The following FAM110B variants were observed in gnomAD, a reference collection of about 807,000 sequenced individuals.
The protein encoded by FAM110B is protein FAM110B.
A neutral mutation model predicts 20.4 loss-of-function variants in FAM110B; 6 were observed. The ratio of observed to expected loss-of-function variants is 0.29; its 90% CI spans 0.16 to 0.58. The LOEUF is 0.58. Among genes scored for constraint, FAM110B ranks in the 20% least tolerant of loss-of-function variants. The probability of loss-of-function intolerance (pLI) is 0.90; values close to 1 mark genes in which losing one functional copy is unlikely to be tolerated. For missense variants in FAM110B, 434 were observed against 498.2 expected (o/e 0.87, Z 1.23); for synonymous variants, 226 against 214.1 (o/e 1.06, Z -0.49).
chr8:58,146,410 G>A lies in FAM110B; in HGVS notation c.180G>A (p.Lys60=). 6.2e-7 allele frequency: 1 copy of A among 1,614,060 alleles called. No individual in the cohort carries two copies. The highest frequency in any genetic ancestry group is 8.5e-7 in the Non-Finnish European group (1 of 1,179,974). The change falls in exon 4 of 4, where the codon AAG becomes AAA. Residue 60 remains lysine, a synonymous_variant. Transcript: ENST00000519262. ...AGAGGCTGGAGGCCGACAAGGCCAA[G>A]TACGTCAAGAGCCAGGAGGTGATCA... ...AVERLEADKA[K]YVKSQEVINA...
chr8:58,002,599 G>A (rs932004349), intron 1 of FAM110B, among the ~76,000 whole-genome samples: 5 of 152,148 alleles, frequency 3.3e-5, no homozygotes, highest in Admixed American at 3.3e-4. Flanking sequence ...CAAATTGTGG[G>A]TTTGATTCCA....
chr8:58,021,756 G>T (rs936786781), intron 1 of FAM110B, among the ~76,000 whole-genome samples: 4 of 152,106 alleles, frequency 2.6e-5, no homozygotes, highest in African/African-American at 7.2e-5. Context: ...GGTTAAAGGT[G>T]TATATTTTGC....
intron 3 of FAM110B, among the ~76,000 whole-genome samples, chr8:58,090,269 C>T (rs886758810): frequency 1.3e-5 from 2 of 152,228 alleles, no homozygotes; most frequent in Non-Finnish European, 2.9e-5. Flanking sequence ...AAGCAGTTCT[C>T]CTTCCCGAGC....
chr8:58,111,076 T>C (rs887899239), intron 3 of FAM110B, among the ~76,000 whole-genome samples: 1 of 152,148 alleles, frequency 6.6e-6, no homozygotes, highest in African/African-American at 2.4e-5. Flanking sequence ...AAGAAAAATA[T>C]TGGACTTCAG....
At chr8:58,108,781 T>G (rs1390078999) in intron 3 of FAM110B, among the ~76,000 whole-genome samples, 1 of 152,200 alleles carries the variant, frequency 6.6e-6, no homozygotes, top group African/African-American at 2.4e-5. Context: ...TCTCCCACTT[T>G]TCCATGTTGT....
At chr8:58,030,564 G>A (rs1804944176) in intron 1 of FAM110B, among the ~76,000 whole-genome samples, 1 of 151,890 alleles carries the variant, frequency 6.6e-6, no homozygotes. Context: ...TCTTAATGAA[G>A]TAGTTTTTTA....
intron 2 of FAM110B, among the ~76,000 whole-genome samples, chr8:58,034,367 A>G (rs986882292): frequency 3.9e-5 from 6 of 152,138 alleles, no homozygotes; most frequent in Admixed American, 6.5e-5. Flanking sequence ...CAGCTGACTT[A>G]TGGGTCGGAA....
chr8:58,068,714 A>G (rs1805828303), intron 2 of FAM110B, among the ~76,000 whole-genome samples: 2 of 152,178 alleles, frequency 1.3e-5, no homozygotes. Context: ...ACCATTTAAC[A>G]TTTACAGATT....
intron 2 of FAM110B, among the ~76,000 whole-genome samples, chr8:58,050,425 G>T (rs1346819627): frequency 6.6e-6 from 1 of 152,124 alleles, no homozygotes; most frequent in African/African-American, 2.4e-5. Flanking sequence ...CTCTGTCAGG[G>T]TCTCCAGCGC....
intron 3 of FAM110B, among the ~76,000 whole-genome samples, chr8:58,095,288 A>G (rs1585881654): frequency 6.6e-6 from 1 of 152,048 alleles, no homozygotes; most frequent in African/African-American, 2.4e-5. Flanking sequence ...TAGCTTTCAA[A>G]TTAGTTCGCT....
chr8:58,088,603 A>G (rs923012796), intron 3 of FAM110B, among the ~76,000 whole-genome samples: 4 of 152,214 alleles, frequency 2.6e-5, no homozygotes, highest in Non-Finnish European at 4.4e-5. Flanking sequence ...AGAAAGTTCT[A>G]TGATTTCAGT....
chr8:58,069,844 AG>A (rs1805849820), intron 2 of FAM110B, among the ~76,000 whole-genome samples: 6 of 152,336 alleles, frequency 3.9e-5, no homozygotes, highest in African/African-American at 1.4e-4. Context: ...GATAAGCTTA[AG>A]TAAGCCGATA....
At chr8:57,996,283 C>G (rs965186478) in intron 1 of FAM110B, among the ~76,000 whole-genome samples, 1 of 152,168 alleles carries the variant, frequency 6.6e-6, no homozygotes, top group Non-Finnish European at 1.5e-5. Flanking sequence ...ACATAAAGTG[C>G]TTAGAACAGT....
chr8:58,108,651 T>C lies in FAM110B; in HGVS notation c.-325+33028T>C, dbSNP rs919869357. On this transcript the variant is annotated intron_variant, in intron 3 of 3. Coordinates refer to ENST00000519262, the MANE Select transcript of FAM110B (RefSeq NM_001377989.1). ...GATTCCAGGAGCACAGCCTGCTCCATGACCGTCCTCAGGCGCCAGCTCCTG... is the reference window on the plus strand; with the variant it reads ...GATTCCAGGAGCACAGCCTGCTCCACGACCGTCCTCAGGCGCCAGCTCCTG... Among the ~76,000 whole-genome samples the C allele has an allele frequency of 3.9e-5, 6 of 152,228 alleles. 1 individual carries two copies. The highest frequency in any genetic ancestry group is 3.9e-4 in the Admixed American group (6 of 15,284).
chr8:58,099,912 C>T (rs1206103238), intron 3 of FAM110B, among the ~76,000 whole-genome samples: 1 of 152,108 alleles, frequency 6.6e-6, no homozygotes, highest in African/African-American at 2.4e-5. Flanking sequence ...CAGTCACTCT[C>T]TTCAGTCTCT....
chr8:58,006,624 G>T (rs1172625368), intron 1 of FAM110B, among the ~76,000 whole-genome samples: 10 of 147,300 alleles, frequency 6.8e-5, no homozygotes, highest in Admixed American at 2.0e-4. Flanking sequence ...TTTTTTCAAT[G>T]CAGGGTCTCA....
rs183628049 is a variant in FAM110B, at chr8:58,104,747, T to C, written c.-325+29124T>C. Among the ~76,000 whole-genome samples, 4 of 152,286 alleles carry C rather than the reference T, an allele frequency of 2.6e-5. No individual in the cohort carries two copies. The East Asian group carries it at 7.7e-4, about 29-fold the overall frequency. On this transcript the variant is annotated intron_variant, in intron 3 of 3. Coordinates refer to ENST00000519262, the MANE Select transcript of FAM110B (RefSeq NM_001377989.1). ...TGAATACAACCAATCAGAATACAGG[T>C]ACATTGCTTCAAGTACTATTTCAAA...
chr8:58,083,102 T>C lies in FAM110B; in HGVS notation c.-325+7479T>C, dbSNP rs112971926. 2.8e-3 allele frequency among the ~76,000 whole-genome samples: 419 copies of C among 152,220 alleles called. 2 individuals are homozygous for C. The highest frequency in any genetic ancestry group is 9.7e-3 in the African/African-American group (401 of 41,514). On this transcript the variant is annotated intron_variant, in intron 3 of 3. Coordinates refer to ENST00000519262, the MANE Select transcript of FAM110B (RefSeq NM_001377989.1). ...ATGAAGGAAAGTCACTGTACGTTGCTCATCTATCTTTTTGCTCACTGCCTC... is the reference window on the plus strand; with the variant it reads ...ATGAAGGAAAGTCACTGTACGTTGCCCATCTATCTTTTTGCTCACTGCCTC...
At chr8:58,048,191 T>C (rs1805369188) in intron 2 of FAM110B, among the ~76,000 whole-genome samples, 1 of 152,218 alleles carries the variant, frequency 6.6e-6, no homozygotes. Context: ...TTCAGAAGTG[T>C]CTGCATTTTC....
Sources: gnomAD v4.1 joint callset for allele counts (sites outside exome capture counted in the v4.1 genomes callset) on GRCh38, gnomAD v4.1.1 for gene constraint, MANE v1.5 for transcripts, NCBI Gene and HGNC (gene_info 2026-07-23, HGNC 2026-07-21) for gene names.